Variants in SLC30A8 observed in about 807,000 individuals in gnomAD.
The protein encoded by SLC30A8 is solute carrier family 30 member 8, also known as proton-coupled zinc antiporter SLC30A8.
Under a neutral mutation model 36.9 loss-of-function variants are expected in SLC30A8, and 27 were observed. The ratio of observed to expected loss-of-function variants is 0.73; its 90% CI spans 0.54 to 1.01. The LOEUF is 1.01. Among genes scored for constraint, SLC30A8 ranks in the 50% least tolerant of loss-of-function variants. SLC30A8 has a pLI of 0.00. For missense variants in SLC30A8, 439 were observed against 452.0 expected, an observed-to-expected ratio of 0.97 and a Z score of 0.26; for synonymous variants, 164 against 172.4, an observed-to-expected ratio of 0.95 and a Z score of 0.38.
At chr8:117,109,467 C>T (rs779344068) in intron 2 of SLC30A8, among the ~76,000 whole-genome samples, 3 of 152,054 alleles carry the variant, frequency 2.0e-5, no homozygotes, top group Non-Finnish European at 2.9e-5. Flanking sequence ...AAAATCTTCC[C>T]GGACATCCAT....
intron 1 of SLC30A8, among the ~76,000 whole-genome samples, chr8:117,038,316 C>T (rs1310211198): frequency 1.3e-5 from 2 of 152,060 alleles, no homozygotes; most frequent in East Asian, 1.9e-4. Context: ...CACCAGAGAT[C>T]GATATGTACA....
intron 1 of SLC30A8, among the ~76,000 whole-genome samples, chr8:117,001,204 CTTTTTTTTTT>C (rs34639384): frequency 2.6e-5 from 2 of 78,306 alleles, no homozygotes; most frequent in African/African-American, 4.8e-5. Context: ...TTGCTAGGGG[CTTTTTTTTTT>C]TTTTTTTTTT....
At chr8:117,012,794 G>A (rs1464249491) in intron 1 of SLC30A8, among the ~76,000 whole-genome samples, 2 of 149,222 alleles carry the variant, frequency 1.3e-5, no homozygotes, top group Non-Finnish European at 3.0e-5. Flanking sequence ...GGCCTTTGAA[G>A]GCAGTCAGCA....
At position 117,045,533 on chromosome 8, in the gene SLC30A8, C is replaced by T. The variant is rs143198489; in HGVS notation, c.-226+6275C>T. ...AAAGCAAAGAAGTTGGATGTTTTGGCAGCTTGTGCAGTTTTATTGTGGATA... is the reference window on the plus strand; with the variant it reads ...AAAGCAAAGAAGTTGGATGTTTTGGTAGCTTGTGCAGTTTTATTGTGGATA... On this transcript the variant is annotated intron_variant, in intron 2 of 10. Transcript: ENST00000427715. Among the ~76,000 whole-genome samples, 186 of 152,232 alleles carry T rather than the reference C, an allele frequency of 1.2e-3. 1 individual carries two copies. The highest frequency in any genetic ancestry group is 4.3e-3 in the African/African-American group (178 of 41,534).
upstream of SLC30A8, among the ~76,000 whole-genome samples, chr8:117,130,592 C>T (rs1473038914): frequency 6.6e-6 from 1 of 151,688 alleles, no homozygotes; most frequent in East Asian, 1.9e-4. Context: ...CATTTATAGA[C>T]CAAGGGGTTG....
chr8:116,988,552 A>C (rs1815528357), intron 1 of SLC30A8, among the ~76,000 whole-genome samples: 1 of 151,956 alleles, frequency 6.6e-6, no homozygotes. Flanking sequence ...CTCAAGAGTT[A>C]CTCCTCTTAG....
intron 2 of SLC30A8, among the ~76,000 whole-genome samples, chr8:117,067,355 G>GT (rs1005875416): frequency 1.7e-3 from 252 of 144,568 alleles, no homozygotes; most frequent in African/African-American, 4.0e-3. Context: ...GTTCTTTTTC[G>GT]TTTTTTTTTT....
At chr8:117,171,008 A>G in intron 6 of SLC30A8, 26 bp from the exon 7 acceptor site, 3 of 1,553,018 alleles carry the variant, frequency 1.9e-6, no homozygotes, top group Non-Finnish European at 2.6e-6. Flanking sequence ...GAATAACTAC[A>G]GCCTCCATCT....
chr8:117,032,535 T>G (rs2130742218), intron 1 of SLC30A8, among the ~76,000 whole-genome samples: 1 of 152,370 alleles, frequency 6.6e-6, no homozygotes, highest in East Asian at 1.9e-4. Flanking sequence ...GTTTTGGGCA[T>G]GTGCCTGTCA....
At position 117,051,433 on chromosome 8, in the gene SLC30A8, G is replaced by A. The variant is rs147067917; in HGVS notation, c.-226+12175G>A. Among the ~76,000 whole-genome samples the A allele has an allele frequency of 5.7e-3, 873 of 152,282 alleles. 6 individuals are homozygous for A. The highest frequency in any genetic ancestry group is 0.045 in the South Asian group (217 of 4,824). On this transcript the variant is annotated intron_variant, in intron 2 of 10. Transcript: ENST00000427715. ...TCATGGGAGATGCTTGGGTCAAGGG[G>A]GCAGATCCCTTATGAACGGCTTAGT...
chr8:117,160,514 G>C (rs1312311286), intron 4 of SLC30A8, among the ~76,000 whole-genome samples: 2 of 152,092 alleles, frequency 1.3e-5, no homozygotes, highest in Admixed American at 1.3e-4. Flanking sequence ...ACACTGGGGA[G>C]TGACCACAAC....
chr8:117,140,306 G>T (rs1177092790), intron 1 of SLC30A8, among the ~76,000 whole-genome samples: 1 of 152,036 alleles, frequency 6.6e-6, no homozygotes, highest in Non-Finnish European at 1.5e-5. Context: ...GGGCCAGAAG[G>T]AGAGAGAAAA....
intron 2 of SLC30A8, among the ~76,000 whole-genome samples, chr8:117,084,347 T>C (rs539912907): frequency 6.6e-6 from 1 of 152,270 alleles, no homozygotes; most frequent in South Asian, 2.1e-4. Flanking sequence ...AGTTTTGTAG[T>C]AGGACTAAAC....
intron 2 of SLC30A8, among the ~76,000 whole-genome samples, chr8:117,078,784 C>T (rs1339837352): frequency 2.0e-5 from 3 of 151,930 alleles, no homozygotes; most frequent in Admixed American, 6.6e-5. Flanking sequence ...CTACCTTGGG[C>T]GCAGGTGGTC....
intron 1 of SLC30A8, among the ~76,000 whole-genome samples, chr8:117,003,903 C>T (rs752270565): frequency 3.3e-5 from 5 of 152,152 alleles, no homozygotes; most frequent in Non-Finnish European, 7.3e-5. Flanking sequence ...TTTCTCTCCT[C>T]CTTAATTTTT....
chr8:116,999,570 C>G (rs796616082), intron 1 of SLC30A8, among the ~76,000 whole-genome samples: 4 of 152,268 alleles, frequency 2.6e-5, no homozygotes, highest in African/African-American at 9.6e-5. Context: ...AGAAAACTAG[C>G]ATTAAGAAAA....
Position 116,968,476 on chromosome 8 carries a change from G to T in SLC30A8, c.-266+17357G>T, listed in dbSNP as rs372827735. Among the ~76,000 whole-genome samples the T allele has an allele frequency of 5.3e-5, 8 of 151,526 alleles. 1 individual carries two copies. The East Asian group carries it at 5.8e-4, about 11-fold the overall frequency. On this transcript the variant is annotated intron_variant, in intron 1 of 10. Transcript: ENST00000427715. ...CTATGTGGGGACTGTTTTATTCATG[G>T]CAGAGACAGAGAGATTGAGAATTTG...
intron 2 of SLC30A8, among the ~76,000 whole-genome samples, chr8:117,039,618 C>T (rs943378856): frequency 2.0e-5 from 3 of 152,180 alleles, no homozygotes; most frequent in African/African-American, 7.2e-5. Context: ...TTAGTCTCTT[C>T]AAGGACAGAA....
chr8:117,020,685 T>C (rs138294651), intron 1 of SLC30A8, among the ~76,000 whole-genome samples: 2,022 of 152,002 alleles, frequency 0.013, 19 homozygotes, highest in Middle Eastern at 0.037. Flanking sequence ...AGCTATTTTA[T>C]AAAGAATGAA....
Sources: allele counts gnomAD v4.1 joint callset (sites outside exome capture counted in the v4.1 genomes callset), GRCh38; gene constraint gnomAD v4.1.1; transcripts MANE v1.5; gene names NCBI Gene and HGNC (gene_info 2026-07-23, HGNC 2026-07-21).